Variants in PKN2 observed in about 807,000 individuals in gnomAD.
PKN2 encodes the protein serine/threonine-protein kinase N2.
A neutral mutation model predicts 119.1 loss-of-function variants in PKN2; 38 were observed. That is an observed-to-expected ratio of 0.32 (90% CI 0.25 to 0.42). PKN2 has a LOEUF of 0.42. Ranked by LOEUF, PKN2 falls within the 10% of genes least tolerant of loss-of-function variation. The pLI, the probability that PKN2 is intolerant of heterozygous loss-of-function variation, is 1.00. For missense variants in PKN2, 850 were observed against 1,165.1 expected (o/e 0.73, Z 3.94); for synonymous variants, 390 against 384.9 (o/e 1.01, Z -0.15).
intron 1 of PKN2, among the ~76,000 whole-genome samples, chr1:88,738,644 G>T (rs1668453331): frequency 6.6e-6 from 1 of 152,222 alleles, no homozygotes; most frequent in Non-Finnish European, 1.5e-5. Flanking sequence ...AATTTCCTGA[G>T]ATATTAAGAG....
chr1:88,807,376 G>T lies in PKN2; in HGVS notation c.1867G>T (p.Glu623Ter). ...TAGTATACTTCCAAAATCTCAATCTGAATACAAGCCTGATACTCCTCAGTC... is the reference window on the plus strand; with the variant it reads ...TAGTATACTTCCAAAATCTCAATCTTAATACAAGCCTGATACTCCTCAGTC... ...RNSILPKSQSEYKPDTPQSGL... is the reference protein window; with the variant it reads ...RNSILPKSQS Residue 623 changes from glutamate to a stop codon, truncating the protein, a stop_gained, in exon 13 of 22, where the codon GAA (glutamate) becomes TAA (stop). Coordinates refer to ENST00000370521, the MANE Select transcript of PKN2 (RefSeq NM_006256.4). LOFTEE classifies it high-confidence loss of function. The T allele has an allele frequency of 6.2e-7, 1 of 1,602,668 alleles. No individual in the cohort carries two copies. Among genetic ancestry groups the T allele is most frequent in the South Asian group, 1.1e-5 (1 of 90,132 alleles).
At chr1:88,778,945 G>C (rs905929527) in intron 6 of PKN2, among the ~76,000 whole-genome samples, 20 of 152,242 alleles carry the variant, frequency 1.3e-4, no homozygotes, top group Middle Eastern at 3.4e-3. Flanking sequence ...GGATGGTCTC[G>C]ATCTCCTGAC....
intron 1 of PKN2, among the ~76,000 whole-genome samples, chr1:88,735,651 T>C (rs1216176937): frequency 7.9e-6 from 1 of 125,966 alleles, no homozygotes; most frequent in Non-Finnish European, 1.6e-5. Flanking sequence ...ACAATTTGAA[T>C]ATATCATCTC....
At chr1:88,750,899 G>A (rs997457739) in intron 2 of PKN2, among the ~76,000 whole-genome samples, 5 of 152,032 alleles carry the variant, frequency 3.3e-5, no homozygotes, top group African/African-American at 1.2e-4. Context: ...TTGCCACAGC[G>A]TACAAGTTCA....
At chr1:88,701,986 T>C (rs1293767103) in intron 1 of PKN2, among the ~76,000 whole-genome samples, 1 of 152,048 alleles carries the variant, frequency 6.6e-6, no homozygotes, top group Non-Finnish European at 1.5e-5. Flanking sequence ...TGAGACAGAG[T>C]CTCACTCTGT....
intron 1 of PKN2, among the ~76,000 whole-genome samples, chr1:88,732,537 T>C (rs890983903): frequency 2.0e-5 from 3 of 152,184 alleles, no homozygotes; most frequent in Admixed American, 2.0e-4. Context: ...TCTTGAACTT[T>C]CTCTTTTCTA....
At chr1:88,799,461 T>G (rs934253229) in intron 8 of PKN2, among the ~76,000 whole-genome samples, 4 of 152,206 alleles carry the variant, frequency 2.6e-5, no homozygotes, top group African/African-American at 9.6e-5. Context: ...TCCATTGTCC[T>G]TCCTTCCCTG....
intron 18 of PKN2, among the ~76,000 whole-genome samples, chr1:88,827,266 TAATAC>T (rs1672534908): frequency 6.6e-6 from 1 of 152,104 alleles, no homozygotes; most frequent in South Asian, 2.1e-4. Flanking sequence ...GCCAAAATGT[TAATAC>T]AGGCTGAGTA....
chr1:88,779,906 A>C (rs1670264904), intron 6 of PKN2, among the ~76,000 whole-genome samples: 1 of 152,242 alleles, frequency 6.6e-6, no homozygotes, highest in Non-Finnish European at 1.5e-5. Context: ...GTGAATTCAC[A>C]GGGCCACATC....
chr1:88,766,476 G>A (rs747392581), intron 3 of PKN2, among the ~76,000 whole-genome samples: 60 of 152,166 alleles, frequency 3.9e-4, no homozygotes, highest in Non-Finnish European at 5.4e-4. Context: ...TTTGAAAGTC[G>A]TATAATTTTT....
chr1:88,812,304 G>A (rs770602305), intron 15 of PKN2, among the ~76,000 whole-genome samples: 3 of 152,078 alleles, frequency 2.0e-5, no homozygotes, highest in Non-Finnish European at 4.4e-5. Context: ...TCATTTCAAG[G>A]GGTAGTCCAG....
At chr1:88,798,558 G>T (rs900107326) in intron 8 of PKN2, among the ~76,000 whole-genome samples, 1 of 152,060 alleles carries the variant, frequency 6.6e-6, no homozygotes, top group African/African-American at 2.4e-5. Context: ...AAACTAAGAG[G>T]ATATGTTAAA....
chr1:88,753,544 C>G (rs936530458), intron 2 of PKN2, among the ~76,000 whole-genome samples: 5 of 151,972 alleles, frequency 3.3e-5, no homozygotes, highest in Non-Finnish European at 7.4e-5. Flanking sequence ...CTTTAATTGG[C>G]TTATGGTTCC....
chr1:88,800,963 T>C (rs1166794497), intron 8 of PKN2, among the ~76,000 whole-genome samples: 5 of 152,230 alleles, frequency 3.3e-5, no homozygotes, highest in East Asian at 1.9e-4. Context: ...GTGGTAGTTT[T>C]ACTCCGTCTA....
intron 3 of PKN2, among the ~76,000 whole-genome samples, chr1:88,768,903 G>A (rs926990801): frequency 2.0e-5 from 3 of 152,230 alleles, no homozygotes; most frequent in Non-Finnish European, 4.4e-5. Flanking sequence ...GCTTACAGTC[G>A]TGATGGAAGA....
intron 1 of PKN2, among the ~76,000 whole-genome samples, chr1:88,730,706 T>TAC (rs1668113761): frequency 6.6e-6 from 1 of 152,214 alleles, no homozygotes; most frequent in African/African-American, 2.4e-5. Context: ...TGCTATTATG[T>TAC]AGGCACCCAG....
chr1:88,758,244 A>G (rs1218793228), intron 2 of PKN2, among the ~76,000 whole-genome samples: 4 of 152,090 alleles, frequency 2.6e-5, no homozygotes, highest in Non-Finnish European at 5.9e-5. Flanking sequence ...TTACTCTAGG[A>G]CAAATTTATT....
chr1:88,784,885 ATGAAG>A, intron 7 of PKN2, 61 bp downstream of exon 7: 1 of 969,088 alleles, frequency 1.0e-6, no homozygotes, highest in South Asian at 2.1e-5. Flanking sequence ...CAAGGGATTT[ATGAAG>A]TGTTCAAGTT....
At chr1:88,769,469 T>C (rs1669798771) in intron 3 of PKN2, among the ~76,000 whole-genome samples, 1 of 152,220 alleles carries the variant, frequency 6.6e-6, no homozygotes, top group South Asian at 2.1e-4. Flanking sequence ...GAAAATTCTT[T>C]ATGTTTTGTG....
Sources: gnomAD v4.1 joint callset for allele counts (sites outside exome capture counted in the v4.1 genomes callset) on GRCh38, gnomAD v4.1.1 for gene constraint, MANE v1.5 for transcripts, NCBI Gene and HGNC (gene_info 2026-07-23, HGNC 2026-07-21) for gene names.